Variants in TOGARAM2 observed in about 807,000 individuals in gnomAD.
TOGARAM2 encodes TOG array regulator of axonemal microtubules protein 2.
TOGARAM2 carries 85 observed loss-of-function variants against 93.3 expected under a neutral mutation model. The ratio of observed to expected loss-of-function variants is 0.91; its 90% confidence interval spans 0.76 to 1.09. The LOEUF is 1.09. Among genes scored for constraint, TOGARAM2 ranks in the 50% least tolerant of loss-of-function variants. TOGARAM2 has a pLI of 0.00. For missense variants in TOGARAM2, 1,277 were observed against 1,334.5 expected (o/e 0.96, Z 0.67); for synonymous variants, 593 against 552.8 (o/e 1.07, Z -1.02).
At chr2:28,957,111 CAAAA>C (rs1205428071) in intron 1 of TOGARAM2, among the ~76,000 whole-genome samples, 1 of 151,430 alleles carries the variant, frequency 6.6e-6, no homozygotes, top group African/African-American at 2.4e-5. Context: ...TCTCAAAAAA[CAAAA>C]AACAAAAAAC....
At chr2:29,027,935 C>T (rs1572746712) in intron 14 of TOGARAM2, among the ~76,000 whole-genome samples, 1 of 152,124 alleles carries the variant, frequency 6.6e-6, no homozygotes, top group African/African-American at 2.4e-5. Context: ...GCAGCAGGCC[C>T]AGGTCAGAGA....
upstream of TOGARAM2, among the ~76,000 whole-genome samples, chr2:28,980,692 G>A (rs540528778): frequency 1.6e-4 from 24 of 152,308 alleles, no homozygotes; most frequent in African/African-American, 5.8e-4. Context: ...AAGTTAAGGT[G>A]GAGAAATCTG....
At chr2:28,993,118 C>T in intron 1 of TOGARAM2, among the ~76,000 whole-genome samples, 1 of 151,840 alleles carries the variant, frequency 6.6e-6, no homozygotes, top group Admixed American at 6.6e-5. Context: ...GGCCTATTTC[C>T]TAGACCTAAT....
intron 12 of TOGARAM2, among the ~76,000 whole-genome samples, chr2:29,023,601 G>A (rs2148349170): frequency 1.3e-5 from 2 of 152,312 alleles, no homozygotes; most frequent in South Asian, 4.1e-4. Flanking sequence ...TTGTTCTCAT[G>A]TGGAGGCTGT....
At chr2:29,005,279 CAT>C (rs1250600285) in intron 6 of TOGARAM2, among the ~76,000 whole-genome samples, 7 of 120,198 alleles carry the variant, frequency 5.8e-5, no homozygotes, top group South Asian at 6.0e-4. Context: ...AGTGTGTGTG[CAT>C]ATGTGTGTGT....
chr2:28,979,533 A>G (rs1032678755), upstream of TOGARAM2, among the ~76,000 whole-genome samples: 1 of 152,152 alleles, frequency 6.6e-6, no homozygotes, highest in Non-Finnish European at 1.5e-5. Context: ...ATTGCAGGTA[A>G]CACAGGAACA....
chr2:29,005,177 CAT>C (rs1223421879), intron 6 of TOGARAM2, among the ~76,000 whole-genome samples: 3 of 119,288 alleles, frequency 2.5e-5, no homozygotes, highest in Non-Finnish European at 5.1e-5. Flanking sequence ...TGTGTAAGGG[CAT>C]ATGTGTGCAG....
rs554846237 is a variant in TOGARAM2 at position 29,024,297 on chromosome 2, C to T, written c.1776C>T (p.Ala592=). The T allele has an allele frequency of 5.0e-5, 80 of 1,613,328 alleles. No homozygotes were observed. The African/African-American group carries it at 5.5e-4, about 11-fold the overall frequency. The change falls in exon 13 of 20, where the codon GCC becomes GCT. Residue 592 remains alanine, a synonymous_variant. Transcript: ENST00000379558. ...ADTNEFIQRA[A]GQSLRAMVEN... ...CCAACGAGTTCATCCAGAGAGCAGC[C>T]GGCCAGTCTCTGAGGGCTATGGTGG...
At chr2:29,020,240 T>C (rs1168425669) in intron 10 of TOGARAM2, among the ~76,000 whole-genome samples, 1 of 152,168 alleles carries the variant, frequency 6.6e-6, no homozygotes, top group Non-Finnish European at 1.5e-5. Context: ...TGGGAACTGA[T>C]GTGGGTTACA....
At position 29,032,989 on chromosome 2, in the gene TOGARAM2, T is replaced by C; in HGVS notation, c.2068T>C (p.Phe690Leu). 6.2e-7 allele frequency: 1 copy of C among 1,613,974 alleles called. No individual in the cohort carries two copies. Among genetic ancestry groups the C allele is most frequent in the Non-Finnish European group, 8.5e-7 (1 of 1,179,896 alleles). The change falls in exon 15 of 20, where the codon TTT becomes CTT. Residue 690 changes from phenylalanine (F) to leucine (L), a missense_variant. By Grantham distance (22) the Phe-to-Leu change is conservative (BLOSUM62 0). Coordinates refer to ENST00000379558, the MANE Select transcript of TOGARAM2 (RefSeq NM_199280.4). The part of the protein sequence containing the change: ...ILMANTKFDA[F>L]LKQSLPSYDL... ...GATGGCGAACACTAAGTTTGATGCA[T>C]TTCTGAAGCAATCTCTCCCATCTTA...
chr2:29,011,517 G>T lies in TOGARAM2; in HGVS notation c.877+16G>T. ...GCATCTCTGGGTACGTATCTTCCAT[G>T]CACACCTCCCTTTGTTATTTGACTC... On this transcript the variant is annotated intron_variant, in intron 7 of 19. Transcript: ENST00000379558. 1 of 1,597,836 alleles carries T rather than the reference G, an allele frequency of 6.3e-7. No homozygotes were observed.
chr2:28,961,825 C>T (rs769137049), intron 1 of TOGARAM2, among the ~76,000 whole-genome samples: 18 of 152,172 alleles, frequency 1.2e-4, no homozygotes, highest in Non-Finnish European at 1.9e-4. Flanking sequence ...TCTGAGGAAA[C>T]CAGTGATATA....
At chr2:29,002,139 C>A (rs964184861) in intron 4 of TOGARAM2, among the ~76,000 whole-genome samples, 2 of 152,146 alleles carry the variant, frequency 1.3e-5, no homozygotes, top group East Asian at 3.9e-4. Context: ...ACTTGCCTGG[C>A]ATCTTATATA....
intron 6 of TOGARAM2, among the ~76,000 whole-genome samples, chr2:29,004,920 A>C (rs967700023): frequency 1.0e-3 from 12 of 11,856 alleles, no homozygotes; most frequent in Non-Finnish European, 2.9e-3. Context: ...GTGCATGTGT[A>C]CGTGTGTGAG....
chr2:29,013,117 G>A (rs914984052), intron 7 of TOGARAM2, among the ~76,000 whole-genome samples: 2 of 152,254 alleles, frequency 1.3e-5, no homozygotes, highest in African/African-American at 4.8e-5. Flanking sequence ...CCCAAGGACA[G>A]TGAGCTCCAA....
At chr2:29,029,298 C>CACACA (rs1558453531) in intron 14 of TOGARAM2, among the ~76,000 whole-genome samples, 1 of 151,164 alleles carries the variant, frequency 6.6e-6, no homozygotes, top group Non-Finnish European at 1.5e-5. Flanking sequence ...CACACACACA[C>CACACA]TGGAATACTT....
rs756437206 is a variant in TOGARAM2, at chr2:29,017,289, G to A, written c.1180G>A (p.Ala394Thr). Residue 394 changes from alanine (A) to threonine (T), a missense_variant, in exon 9 of 20, where the codon GCC (alanine) becomes ACC (threonine). Ala to Thr is a moderately conservative substitution (Grantham distance 58, BLOSUM62 0). Transcript: ENST00000379558. ...TTCCCAGTGCCTGGGCTCCCAGAGA[G>A]CCTTCATGAAGGAAGGTACTGGGTG... The part of the protein sequence containing the change: ...LTSQCLGSQR[A>T]FMKEGLLPLR... 1.9e-6 allele frequency: 3 copies of A among 1,608,392 alleles called. No individual in the cohort carries two copies. The highest frequency in any genetic ancestry group is 1.1e-5 in the South Asian group (1 of 90,192).
intron 18 of TOGARAM2, among the ~76,000 whole-genome samples, chr2:29,041,169 T>C (rs952562978): frequency 6.6e-5 from 10 of 151,850 alleles, no homozygotes; most frequent in African/African-American, 2.2e-4. Flanking sequence ...GGATTACAGG[T>C]GCATGTCACC....
chr2:28,993,417 G>A (rs1572649215), intron 1 of TOGARAM2, among the ~76,000 whole-genome samples: 1 of 152,156 alleles, frequency 6.6e-6, no homozygotes, highest in Non-Finnish European at 1.5e-5. Flanking sequence ...CCAGCTGCCT[G>A]GCCAATCTCT....
Sources: gnomAD v4.1 joint callset for allele counts (sites outside exome capture counted in the v4.1 genomes callset) on GRCh38, gnomAD v4.1.1 for gene constraint, MANE v1.5 for transcripts, NCBI Gene and HGNC (gene_info 2026-07-23, HGNC 2026-07-21) for gene names.